Variants in JAG1 observed in about 807,000 individuals in gnomAD.
The protein encoded by JAG1 is jagged canonical Notch ligand 1.
Under a neutral mutation model 148.7 loss-of-function variants are expected in JAG1, and 23 were observed. The observed-to-expected ratio is 0.15, with a 90% CI of 0.11 to 0.22. The LOEUF (loss-of-function observed/expected upper bound fraction) is 0.22. JAG1 is among the 10% of genes least tolerant of loss of function. The probability of loss-of-function intolerance (pLI) is 1.00; values close to 1 mark genes in which losing one functional copy is unlikely to be tolerated. For missense variants in JAG1, 1,054 were observed against 1,611.2 expected (o/e 0.65, Z 5.92); for synonymous variants, 572 against 598.3 (o/e 0.96, Z 0.64).
rs148689714 is a variant in JAG1, at chr20:10,658,347, A to G, written c.694+121T>C. 332 of 1,322,524 alleles carry G rather than the reference A, an allele frequency of 2.5e-4. 1 individual carries two copies. In the African/African-American group the frequency reaches 4.3e-3, roughly 17 times the overall value. The allele number at this position is 1,322,524 out of a possible 1,614,324, so 81.9% of individuals were successfully genotyped here. ...CTCCGCATCTTCATACTGCAGGCCC[A>G]GAATAACAGCCAAAATCCCACCCCA... On this transcript the variant is annotated intron_variant, in intron 4 of 25. Coordinates refer to ENST00000254958, the MANE Select transcript of JAG1 (RefSeq NM_000214.3).
At chr20:10,656,343 C>A in intron 5 of JAG1, 55 bp downstream of exon 5, 1 of 1,414,080 alleles carries the variant, frequency 7.1e-7, no homozygotes, top group South Asian at 1.1e-5. Flanking sequence ...AAGTCAGTTC[C>A]TCTCTTACAT....
At position 10,650,286 on chromosome 20, in the gene JAG1, C is replaced by A. The variant is rs181970528; in HGVS notation, c.1195G>T (p.Val399Leu). ...CQDLVNGFKC[V>L]CPPQWTGKTC... The stretch of plus-strand genomic sequence containing the variant: ...TTCCCAGTCCACTGTGGGGGGCACA[C>A]ACACTTAAATCCGTTAACCAGGTCC... The change falls in exon 9 of 26, where the codon GTG (valine) becomes TTG (leucine). Residue 399 changes from valine to leucine, a missense_variant. This residue lies in a region of JAG1 where 245 missense variants were observed against 373.1 expected (regional missense o/e 0.66). Transcript: ENST00000254958. 4 of 1,614,072 alleles carry A rather than the reference C, an allele frequency of 2.5e-6. No individual in the cohort carries two copies. The highest frequency in any genetic ancestry group is 2.2e-5 in the East Asian group (1 of 44,884).
At chr20:10,659,559 C>CTTT (rs35826283) in intron 3 of JAG1, among the ~76,000 whole-genome samples, 3,569 of 105,106 alleles carry the variant, frequency 0.034, 560 homozygotes, top group South Asian at 0.11. Flanking sequence ...GATTAAGTTA[C>CTTT]TTTTTTTTTT....
In JAG1 at chr20:10,642,522, G is replaced by T; in HGVS notation, c.2538C>A (p.Cys846Ter). The change falls in exon 21 of 26, where the codon TGC (cysteine) becomes TGA (stop). Residue 846 changes from cysteine (C) to a stop codon, truncating the protein, a stop_gained. Transcript: ENST00000254958. LOFTEE classifies it high-confidence loss of function. ...VDEINGYRCV[C>*]PPGHSGAKCQ... is the part of the protein sequence containing the mutation. ...ACTTGGCACCACTGTGCCCTGGAGG[G>T]CAGACACACCGGTAGCCATTGATCT... 1 of 1,613,502 alleles carries T rather than the reference G, an allele frequency of 6.2e-7. No homozygotes were observed. The highest frequency in any genetic ancestry group is 8.5e-7 in the Non-Finnish European group (1 of 1,179,462).
chr20:10,641,518 T>C lies in JAG1; in HGVS notation c.2858A>G (p.Tyr953Cys), dbSNP rs2067271472. ...GATGTTCGCACAGTTATCCTGGTAATAGGAGTCAGAGGTGCACTTTGTCTT... is the reference window on the plus strand; with the variant it reads ...GATGTTCGCACAGTTATCCTGGTAACAGGAGTCAGAGGTGCACTTTGTCTT... ...PVKTKCTSDS[Y>C]YQDNCANITF... The change falls in exon 23 of 26, where the codon TAT (tyrosine) becomes TGT (cysteine). Residue 953 changes from tyrosine to cysteine, a missense_variant. By Grantham distance (194) the Tyr-to-Cys change is radical (BLOSUM62 -2). Coordinates refer to ENST00000254958, the MANE Select transcript of JAG1 (RefSeq NM_000214.3). 1 of 1,614,146 alleles carries C rather than the reference T, an allele frequency of 6.2e-7. No homozygotes were observed. Among genetic ancestry groups the C allele is most frequent in the Non-Finnish European group, 8.5e-7 (1 of 1,180,032 alleles).
intron 20 of JAG1, among the ~76,000 whole-genome samples, chr20:10,643,017 G>A (rs2067283945): frequency 6.6e-6 from 1 of 152,242 alleles, no homozygotes; most frequent in Non-Finnish European, 1.5e-5. Flanking sequence ...GTGTGGCTGT[G>A]TGCCAAGAAA....
intron 24 of JAG1, 80 bp from the exon 25 acceptor site, chr20:10,641,013 T>C: frequency 6.2e-7 from 1 of 1,610,806 alleles, no homozygotes; most frequent in South Asian, 1.1e-5. Flanking sequence ...ACAATCTGTG[T>C]CTGCAAAGCT....
chr20:10,652,002 T>C, intron 7 of JAG1, 129 bp downstream of exon 7: 1 of 1,075,690 alleles, frequency 9.3e-7, no homozygotes, highest in South Asian at 1.3e-5. Context: ...TATAGAATGG[T>C]TGGGATAAGG....
intron 2 of JAG1, among the ~76,000 whole-genome samples, chr20:10,668,761 G>GA (rs1816464249): frequency 1.3e-5 from 2 of 151,946 alleles, no homozygotes; most frequent in African/African-American, 4.8e-5. Flanking sequence ...TATTTGGTGT[G>GA]AAGATTTTGA....
chr20:10,662,425 C>T (rs1176258591), intron 3 of JAG1: 1 of 152,130 alleles, frequency 6.6e-6, no homozygotes, highest in East Asian at 1.9e-4. Flanking sequence ...TCACATGTCC[C>T]TAACAAGTAT....
Position 10,639,794 on chromosome 20 carries a change from GGTTCAGCTGCTCCCGCAC to G in JAG1, c.3343_3360del (p.Val1115_Asn1120del), listed in dbSNP as rs1451706943. ...TGTTTCTCAATGGGGTTTTTGATCT[GGTTCAGCTGCTCCCGCAC>G]GTTGTTGGTGGTGTTGTCCTCAGAG... is the stretch of plus-strand genomic sequence containing the variant. On this transcript the variant is annotated inframe_deletion, in exon 26 of 26. Coordinates refer to ENST00000254958, the MANE Select transcript of JAG1 (RefSeq NM_000214.3). 1 of 1,614,052 alleles carries G rather than the reference GGTTCAGCTGCTCCCGCAC, an allele frequency of 6.2e-7. No homozygotes were observed. The highest frequency in any genetic ancestry group is 1.7e-5 in the Admixed American group (1 of 59,998).
At chr20:10,671,606 G>A (rs1346756745) in intron 2 of JAG1, among the ~76,000 whole-genome samples, 1 of 152,084 alleles carries the variant, frequency 6.6e-6, no homozygotes, top group East Asian at 1.9e-4. Context: ...ATGCTCTGGG[G>A]CACCGAGCTC....
In JAG1 at chr20:10,643,864, C is replaced by A; in HGVS notation, c.2373-1G>T. On this transcript the variant is annotated splice_acceptor_variant, in intron 19 of 25. Transcript: ENST00000254958. LOFTEE classifies it high-confidence loss of function. ...ATCCACACAGGTGCCGCTGTTGTAA[C>A]TAAGAAAGCAAAGACCACCTTGGTT... 1 of 1,613,540 alleles carries A rather than the reference C, an allele frequency of 6.2e-7. No individual in the cohort carries two copies. Among genetic ancestry groups the A allele is most frequent in the Non-Finnish European group, 8.5e-7 (1 of 1,179,648 alleles).
chr20:10,643,537 C>A (rs1485171018), intron 20 of JAG1, among the ~76,000 whole-genome samples: 1 of 152,162 alleles, frequency 6.6e-6, no homozygotes, highest in Non-Finnish European at 1.5e-5. Flanking sequence ...TCATCAGATT[C>A]TGTGACTGGC....
intron 5 of JAG1, among the ~76,000 whole-genome samples, chr20:10,654,527 T>C (rs1231140818): frequency 6.6e-6 from 1 of 151,518 alleles, no homozygotes; most frequent in Admixed American, 6.6e-5. Context: ...AATTTTCTCA[T>C]GTGGGGGTGA....
chr20:10,672,042 G>A (rs2067499228), intron 2 of JAG1, among the ~76,000 whole-genome samples: 1 of 152,140 alleles, frequency 6.6e-6, no homozygotes, highest in Admixed American at 6.5e-5. Context: ...TACACCACTC[G>A]GGGGCGGGGG....
In JAG1 at chr20:10,639,433, A is replaced by G; in HGVS notation, c.*65T>C. 7.1e-7 allele frequency: 1 copy of G among 1,407,014 alleles called. No homozygotes were observed. The highest frequency in any genetic ancestry group is 1.4e-5 in the African/African-American group (1 of 70,978). 87.2% of individuals were successfully genotyped at this position (1,407,014 alleles called of 1,614,324 possible). On this transcript the variant is annotated 3_prime_UTR_variant, in exon 26 of 26. Transcript: ENST00000254958. The stretch of plus-strand genomic sequence containing the variant: ...AGCAACGGCCTCAGACTCGAGTATG[A>G]CACGACAGTTTAAAGAACTACAAGC...
chr20:10,641,913 A>G, intron 21 of JAG1, 21 bp from the exon 22 acceptor site: 1 of 1,511,492 alleles, frequency 6.6e-7, no homozygotes, highest in Non-Finnish European at 9.2e-7. Flanking sequence ...GAGACGGGTG[A>G]GCAGTTTATT....
chr20:10,646,167 C>G, intron 14 of JAG1, 83 bp from the exon 15 acceptor site: 1 of 945,482 alleles, frequency 1.1e-6, no homozygotes, highest in Non-Finnish European at 1.7e-6. Context: ...TTCATGGCTC[C>G]CTCCTGACAC....
Sources: gnomAD v4.1 joint callset for allele counts (sites outside exome capture counted in the v4.1 genomes callset) on GRCh38, gnomAD v4.1.1 for gene constraint, gnomAD v4.1.1 regional missense constraint, MANE v1.5 for transcripts, NCBI Gene and HGNC (gene_info 2026-07-23, HGNC 2026-07-21) for gene names.